RYR2: variants seen among roughly 807,000 people sequenced by gnomAD.
RYR2 encodes the protein ryanodine receptor 2.
Under a neutral mutation model 601.1 loss-of-function variants are expected in RYR2, and 227 were observed. That is an observed-to-expected ratio of 0.38 (90% confidence interval 0.34 to 0.42). The LOEUF (loss-of-function observed/expected upper bound fraction) is 0.42. Ranked by LOEUF, RYR2 falls within the 10% of genes least tolerant of loss-of-function variation. RYR2 has a pLI of 1.00. For missense variants in RYR2, 4,646 were observed against 6,156.5 expected, an observed-to-expected ratio of 0.75 and a Z score of 8.21; for synonymous variants, 2,223 against 2,175.1, an observed-to-expected ratio of 1.02 and a Z score of -0.61.
chr1:237,745,297 G>A (rs2149222939), intron 80 of RYR2, among the ~76,000 whole-genome samples: 1 of 152,206 alleles, frequency 6.6e-6, no homozygotes, highest in East Asian at 1.9e-4. Flanking sequence ...AGATAATAAT[G>A]GGTATAATAA....
In RYR2 at chr1:237,533,232, T is replaced by C. The variant is rs536814995; in HGVS notation, c.2906+2722T>C. On this transcript the variant is annotated intron_variant, in intron 25 of 104. Transcript: ENST00000366574. Reference sequence around the variant, plus strand: ...CTGTCTCTAAATTTTCCATGAGATATCATTTTATTCTTTCTCTATTGACAA... The same window carrying C: ...CTGTCTCTAAATTTTCCATGAGATACCATTTTATTCTTTCTCTATTGACAA... Among the ~76,000 whole-genome samples, 5 of 152,338 alleles carry C rather than the reference T, an allele frequency of 3.3e-5. No individual in the cohort carries two copies. In the South Asian group the frequency reaches 1.0e-3, roughly 32 times the overall value.
rs1695323785 is a variant in RYR2 at position 237,783,820 on chromosome 1, C to T, written c.12108C>T (p.Asp4036=). The T allele has an allele frequency of 6.2e-7, 1 of 1,613,800 alleles. No homozygotes were observed. Among genetic ancestry groups the T allele is most frequent in the Non-Finnish European group, 8.5e-7 (1 of 1,179,846 alleles). The part of the protein sequence containing the change: ...LTSSDTFKEY[D]PDGKGVISKR... ...CGTCTGATACTTTTAAAGAATATGA[C>T]CCCGATGGCAAGGGAGTCATTTCCA... is the stretch of plus-strand genomic sequence containing the variant. The change falls in exon 90 of 105, where the codon GAC becomes GAT. Residue 4036 remains aspartate, a synonymous_variant. Coordinates refer to ENST00000366574, the MANE Select transcript of RYR2 (RefSeq NM_001035.3).
At chr1:237,244,654 G>A (rs1053083944) in intron 1 of RYR2, among the ~76,000 whole-genome samples, 2 of 152,064 alleles carry the variant, frequency 1.3e-5, no homozygotes, top group African/African-American at 4.8e-5. Flanking sequence ...TTTCCTCTCG[G>A]AATCCCGTCT....
chr1:237,753,921 G>GTT (rs200314485), intron 80 of RYR2, among the ~76,000 whole-genome samples: 3,268 of 138,384 alleles, frequency 0.024, 126 homozygotes, highest in African/African-American at 0.079. Context: ...AGCTTTCAGA[G>GTT]TTTTTTTTTT....
intron 29 of RYR2, among the ~76,000 whole-genome samples, chr1:237,571,385 A>C (rs1672679594): frequency 6.8e-6 from 1 of 146,218 alleles, no homozygotes; most frequent in South Asian, 2.1e-4. Context: ...CGCGATCTTG[A>C]CTCACTGCAA....
intron 13 of RYR2, among the ~76,000 whole-genome samples, chr1:237,443,327 C>T (rs1339701937): frequency 3.3e-5 from 5 of 151,948 alleles, no homozygotes; most frequent in Admixed American, 2.0e-4. Context: ...CCTATTTTAT[C>T]GAAGTCGTAA....
At chr1:237,072,964 AC>A (rs754160291) in intron 1 of RYR2, among the ~76,000 whole-genome samples, 14,458 of 145,160 alleles carry the variant, frequency 0.1, 702 homozygotes, top group Middle Eastern at 0.15. Flanking sequence ...AAAAAAAAAA[AC>A]AAAAACTCAT....
chr1:237,308,616 G>C (rs1024953887), intron 2 of RYR2, among the ~76,000 whole-genome samples: 10 of 152,204 alleles, frequency 6.6e-5, no homozygotes, highest in African/African-American at 2.4e-4. Context: ...TGTGTTCGGA[G>C]TTTCTTCCTT....
chr1:237,547,109 G>A (rs1014768524), intron 25 of RYR2, among the ~76,000 whole-genome samples: 3 of 151,408 alleles, frequency 2.0e-5, no homozygotes, highest in Non-Finnish European at 2.9e-5. Flanking sequence ...GGGTTTAAGC[G>A]ATTCTCCTGC....
At chr1:237,050,350 G>C (rs1479209305) in intron 1 of RYR2, among the ~76,000 whole-genome samples, 1 of 152,204 alleles carries the variant, frequency 6.6e-6, no homozygotes, top group Non-Finnish European at 1.5e-5. Context: ...TCCTGAGTCT[G>C]GGAAGGGCTG....
intron 29 of RYR2, among the ~76,000 whole-genome samples, chr1:237,576,317 G>T (rs1424550800): frequency 6.6e-6 from 1 of 152,204 alleles, no homozygotes; most frequent in Non-Finnish European, 1.5e-5. Context: ...TCTAAAAGCA[G>T]TGAGGGGATG....
chr1:237,289,225 T>C (rs1308855610), intron 2 of RYR2, among the ~76,000 whole-genome samples: 3 of 152,160 alleles, frequency 2.0e-5, no homozygotes. Context: ...GGATTGCTGG[T>C]TTGTTCTTGC....
rs114344775 is a variant in RYR2 at position 237,725,122 on chromosome 1, G to A, written c.10690-1151G>A. Reference sequence around the variant, plus strand: ...CTGTTAGGATATAAAATGTGCTGAAGAAAGTATAGAAGCAACCCATACTTA... The same window carrying A: ...CTGTTAGGATATAAAATGTGCTGAAAAAAGTATAGAAGCAACCCATACTTA... On this transcript the variant is annotated intron_variant, in intron 74 of 104. Coordinates refer to ENST00000366574, the MANE Select transcript of RYR2 (RefSeq NM_001035.3). Among the ~76,000 whole-genome samples, 1,380 of 152,186 alleles carry A rather than the reference G, an allele frequency of 9.1e-3. 21 individuals are homozygous for A. Among genetic ancestry groups the A allele is most frequent in the African/African-American group, 0.031 (1,275 of 41,552 alleles).
chr1:237,490,989 C>T lies in RYR2; in HGVS notation c.1709-817C>T, dbSNP rs76946131. 2.6e-3 allele frequency among the ~76,000 whole-genome samples: 391 copies of T among 152,192 alleles called. 1 individual carries two copies. Among genetic ancestry groups the T allele is most frequent in the African/African-American group, 8.8e-3 (365 of 41,502 alleles). On this transcript the variant is annotated intron_variant, in intron 17 of 104. Coordinates refer to ENST00000366574, the MANE Select transcript of RYR2 (RefSeq NM_001035.3). ...GGGTCTAATTGGTGTGAATGGGACC[C>T]ATTCTCATTGTTGACAAGGCAAGCT...
intron 62 of RYR2, among the ~76,000 whole-genome samples, chr1:237,684,721 T>C (rs1489072339): frequency 6.6e-6 from 1 of 151,776 alleles, no homozygotes; most frequent in Non-Finnish European, 1.5e-5. Context: ...GCATGTGGGG[T>C]TAATTGAGAG....
intron 2 of RYR2, among the ~76,000 whole-genome samples, chr1:237,284,486 A>AAT (rs1558553679): frequency 4.1e-5 from 4 of 96,952 alleles, no homozygotes; most frequent in Non-Finnish European, 5.8e-5. Flanking sequence ...ACATATATAT[A>AAT]ATATATAAAA....
chr1:237,722,905 A>C (rs915387294), intron 73 of RYR2, among the ~76,000 whole-genome samples: 1 of 152,004 alleles, frequency 6.6e-6, no homozygotes, highest in Non-Finnish European at 1.5e-5. Flanking sequence ...ACTCTCAGCA[A>C]ATTTCCAGTA....
At chr1:237,050,836 C>T (rs962531309) in intron 1 of RYR2, among the ~76,000 whole-genome samples, 1 of 152,226 alleles carries the variant, frequency 6.6e-6, no homozygotes, top group South Asian at 2.1e-4. Context: ...AAGTTGTATT[C>T]TCTTCTTTTC....
At chr1:237,108,685 G>C (rs1669055405) in intron 1 of RYR2, among the ~76,000 whole-genome samples, 1 of 152,170 alleles carries the variant, frequency 6.6e-6, no homozygotes. Flanking sequence ...GTGGAGGAGA[G>C]TCCCTCCTCC....
Sources: gnomAD v4.1 joint callset for allele counts (sites outside exome capture counted in the v4.1 genomes callset) on GRCh38, gnomAD v4.1.1 for gene constraint, MANE v1.5 for transcripts, NCBI Gene and HGNC (gene_info 2026-07-23, HGNC 2026-07-21) for gene names.